VRK1: variants seen among roughly 807,000 people sequenced by gnomAD.
VRK1 encodes the protein VRK serine/threonine kinase 1, also known as serine/threonine-protein kinase VRK1.
VRK1 carries 33 observed loss-of-function variants against 57.1 expected under a neutral mutation model. That is an observed-to-expected ratio of 0.58 (90% CI 0.44 to 0.77). The LOEUF is 0.77. VRK1 is among the 30% of genes least tolerant of loss of function. VRK1 has a pLI of 0.00. For missense variants in VRK1, 413 were observed against 477.3 expected (o/e 0.87, Z 1.25); for synonymous variants, 137 against 147.8 (o/e 0.93, Z 0.53).
At chr14:96,844,142 C>T (rs774563286) in intron 3 of VRK1, among the ~76,000 whole-genome samples, 1 of 152,118 alleles carries the variant, frequency 6.6e-6, no homozygotes, top group Non-Finnish European at 1.5e-5. Context: ...TTTTTCTTAA[C>T]GCTGATTCTG....
At chr14:96,823,939 G>A (rs991869957) in intron 1 of VRK1, among the ~76,000 whole-genome samples, 2 of 152,120 alleles carry the variant, frequency 1.3e-5, no homozygotes, top group African/African-American at 4.8e-5. Flanking sequence ...TGGACACTCA[G>A]GTTGCTTCCA....
intron 1 of VRK1, among the ~76,000 whole-genome samples, chr14:96,814,970 A>G (rs758628007): frequency 6.6e-6 from 1 of 152,230 alleles, no homozygotes; most frequent in Non-Finnish European, 1.5e-5. Flanking sequence ...TTTATTGTAT[A>G]TAATGCTGCA....
At chr14:96,870,324 A>T (rs984696698) in intron 11 of VRK1, among the ~76,000 whole-genome samples, 2 of 152,220 alleles carry the variant, frequency 1.3e-5, no homozygotes, top group Admixed American at 1.3e-4. Context: ...TAGGCATAAA[A>T]TATTAAAGAT....
At chr14:96,857,806 A>C (rs562879040) in intron 10 of VRK1, among the ~76,000 whole-genome samples, 1 of 152,152 alleles carries the variant, frequency 6.6e-6, no homozygotes, top group East Asian at 1.9e-4. Flanking sequence ...AATAAATACA[A>C]TGTGGGTTTC....
intron 7 of VRK1, among the ~76,000 whole-genome samples, chr14:96,854,055 T>TA (rs1259524234): frequency 6.6e-6 from 1 of 152,120 alleles, no homozygotes; most frequent in Non-Finnish European, 1.5e-5. Context: ...CAATGTCAGT[T>TA]ATGGTGGATA....
At chr14:96,856,773 C>T (rs533807778) in intron 10 of VRK1, among the ~76,000 whole-genome samples, 187 bp downstream of exon 10, 4 of 152,212 alleles carry the variant, frequency 2.6e-5, no homozygotes, top group South Asian at 2.1e-4. Context: ...TCAAGACCAT[C>T]CTGGCTAACA....
chr14:96,863,164 C>G (rs571713124), intron 11 of VRK1, among the ~76,000 whole-genome samples: 2 of 152,180 alleles, frequency 1.3e-5, no homozygotes, highest in Admixed American at 6.5e-5. Context: ...TTTGGGATGA[C>G]ATAAGGCTGA....
intron 1 of VRK1, among the ~76,000 whole-genome samples, chr14:96,829,206 ATTTTTT>A (rs1202071231): frequency 1.4e-5 from 2 of 141,628 alleles, no homozygotes; most frequent in Admixed American, 7.1e-5. Flanking sequence ...TTTTCTTTTA[ATTTTTT>A]TTTTTTTTTT....
At chr14:96,837,889 G>A in intron 3 of VRK1, 72 bp downstream of exon 3, 1 of 1,038,300 alleles carries the variant, frequency 9.6e-7, no homozygotes, top group Non-Finnish European at 1.4e-6. Flanking sequence ...TGCCTTTTTT[G>A]ATTAACTAGA....
chr14:96,874,451 G>T (rs912970495), intron 11 of VRK1, among the ~76,000 whole-genome samples: 1 of 152,164 alleles, frequency 6.6e-6, no homozygotes, highest in Non-Finnish European at 1.5e-5. Flanking sequence ...GCCCAGCAGG[G>T]TTTAGACGGT....
At chr14:96,809,087 G>C (rs569800215) in intron 1 of VRK1, among the ~76,000 whole-genome samples, 1 of 150,960 alleles carries the variant, frequency 6.6e-6, no homozygotes, top group East Asian at 1.9e-4. Flanking sequence ...TGACTAGAAC[G>C]TCTAGAAGAC....
At chr14:96,813,548 C>T (rs989913074) in intron 1 of VRK1, among the ~76,000 whole-genome samples, 3 of 151,710 alleles carry the variant, frequency 2.0e-5, no homozygotes, top group Admixed American at 6.6e-5. Flanking sequence ...CAAAACTTTT[C>T]GGAAGACGTT....
chr14:96,864,705 A>G (rs1888515924), intron 11 of VRK1, among the ~76,000 whole-genome samples: 1 of 152,204 alleles, frequency 6.6e-6, no homozygotes, highest in South Asian at 2.1e-4. Context: ...CTCTCAGCTT[A>G]CATTCTTATC....
At chr14:96,805,447 C>G (rs764607060) in intron 1 of VRK1, among the ~76,000 whole-genome samples, 6 of 152,272 alleles carry the variant, frequency 3.9e-5, no homozygotes, top group Middle Eastern at 3.4e-3. Flanking sequence ...AGCAAAAGTA[C>G]TCACTTTCCA....
intron 1 of VRK1, among the ~76,000 whole-genome samples, chr14:96,802,812 A>G (rs765797607): frequency 6.6e-6 from 1 of 152,156 alleles, no homozygotes; most frequent in African/African-American, 2.4e-5. Flanking sequence ...ACATTTAACC[A>G]TTTACCCATG....
At chr14:96,857,318 C>T (rs866858369) in intron 10 of VRK1, among the ~76,000 whole-genome samples, 1 of 152,048 alleles carries the variant, frequency 6.6e-6, no homozygotes, top group East Asian at 1.9e-4. Flanking sequence ...TTTAAGTAGG[C>T]TGTCCAGGGA....
chr14:96,833,616 G>A lies in VRK1; in HGVS notation c.145G>A (p.Gly49Ser), dbSNP rs1232193390. 6.2e-7 allele frequency: 1 copy of A among 1,613,578 alleles called. No individual in the cohort carries two copies. The highest frequency in any genetic ancestry group is 1.3e-5 in the African/African-American group (1 of 74,904). The stretch of plus-strand genomic sequence containing the variant: ...ATTACCCATTGGCCAAGGAGGCTTT[G>A]GCTGTATATATCTTGGTAAGTGTGT... ...VGLPIGQGGFGCIYLADMNSS... is the reference protein window; with the variant it reads ...VGLPIGQGGFSCIYLADMNSS... Residue 49 changes from glycine to serine, a missense_variant, in exon 2 of 13, where the codon GGC (glycine) becomes AGC (serine). Physicochemically the swap from Gly to Ser is moderately conservative, Grantham distance 56 (BLOSUM62 0). Transcript: ENST00000216639.
intron 1 of VRK1, among the ~76,000 whole-genome samples, chr14:96,800,065 G>A (rs748221712): frequency 2.0e-5 from 3 of 151,480 alleles, no homozygotes; most frequent in Non-Finnish European, 2.9e-5. Flanking sequence ...GTTTAATAAA[G>A]GTACAAGATT....
chr14:96,825,774 A>C (rs1886777045), intron 1 of VRK1, among the ~76,000 whole-genome samples: 2 of 152,198 alleles, frequency 1.3e-5, no homozygotes, highest in Non-Finnish European at 2.9e-5. Context: ...GTTTGTCCAG[A>C]ATTATCCTTG....
Sources: allele counts gnomAD v4.1 joint callset (sites outside exome capture counted in the v4.1 genomes callset), GRCh38; gene constraint gnomAD v4.1.1; transcripts MANE v1.5; gene names NCBI Gene and HGNC (gene_info 2026-07-23, HGNC 2026-07-21).